The following IQGAP1 variants were observed in gnomAD, a reference collection of about 807,000 sequenced individuals.
IQGAP1 encodes the protein IQ motif containing GTPase activating protein 1.
Under a neutral mutation model 215.6 loss-of-function variants are expected in IQGAP1, and 66 were observed. That is an observed-to-expected ratio of 0.31 (90% confidence interval 0.25 to 0.38). The LOEUF is 0.38. IQGAP1 is among the 10% of genes least tolerant of loss of function. IQGAP1 has a pLI of 1.00. For synonymous variants in IQGAP1, 772 were observed against 728.7 expected, an observed-to-expected ratio of 1.06 and a Z score of -0.96; for missense variants, 1,712 against 1,997.1, an observed-to-expected ratio of 0.86 and a Z score of 2.72.
At chr15:90,393,547 C>T (rs1285928069) in intron 2 of IQGAP1, 1 of 152,140 alleles carries the variant, frequency 6.6e-6, no homozygotes, top group Non-Finnish European at 1.5e-5. Context: ...TTTTAAATGT[C>T]TCTAGTGATT....
In IQGAP1 at chr15:90,496,299, A is replaced by G. The variant is rs192507277; in HGVS notation, c.4752-933A>G. Among the ~76,000 whole-genome samples, 1,329 of 134,482 alleles carry G rather than the reference A, an allele frequency of 9.9e-3. 70 individuals are homozygous for G. Among genetic ancestry groups the G allele is most frequent in the Admixed American group, 0.075 (1,034 of 13,874 alleles). 88.2% of individuals were successfully genotyped at this position (134,482 alleles called of 152,430 possible). A position where few individuals can be genotyped will look rare whatever the true frequency, so the allele number is the denominator to read the frequency against. On this transcript the variant is annotated intron_variant, in intron 36 of 37. Transcript: ENST00000268182. ...ATACTTTGATCATCCAGAGAACAGC[A>G]TAATCCCTTTTTTTTTTTTTTTTTT... is the stretch of plus-strand genomic sequence containing the variant.
chr15:90,417,186 T>C (rs961006931), intron 2 of IQGAP1, among the ~76,000 whole-genome samples: 3 of 152,232 alleles, frequency 2.0e-5, no homozygotes, highest in African/African-American at 7.2e-5. Context: ...TAGTTTCTTT[T>C]GCTGTGCAGA....
chr15:90,488,503 T>C lies in IQGAP1; in HGVS notation c.4248+921T>C, dbSNP rs1596292891. ...ATTATATATTTTGAATTCTGTTACATGCCTTGGTAGATAGAAGAAAAGTAC... is the reference window on the plus strand; with the variant it reads ...ATTATATATTTTGAATTCTGTTACACGCCTTGGTAGATAGAAGAAAAGTAC... On this transcript the variant is annotated intron_variant, in intron 33 of 37. Transcript: ENST00000268182. Among the ~76,000 whole-genome samples the C allele has an allele frequency of 2.6e-5, 4 of 152,180 alleles. No individual in the cohort carries two copies. The East Asian group carries it at 7.7e-4, about 29-fold the overall frequency.
chr15:90,469,063 G>T (rs1567136538), intron 18 of IQGAP1, among the ~76,000 whole-genome samples: 1 of 152,182 alleles, frequency 6.6e-6, no homozygotes, highest in Non-Finnish European at 1.5e-5. Context: ...TAAGTTTGCA[G>T]TACTTTCTCA....
intron 4 of IQGAP1, 55 bp downstream of exon 4, chr15:90,429,721 C>G: frequency 7.4e-6 from 8 of 1,088,304 alleles, no homozygotes; most frequent in South Asian, 1.4e-5. Context: ...TGGCATAACC[C>G]TCAAACAACC....
intron 32 of IQGAP1, 169 bp from the exon 33 acceptor site, chr15:90,487,325 TG>T (rs1460577776): frequency 1.5e-6 from 1 of 659,410 alleles, no homozygotes; most frequent in Non-Finnish European, 2.7e-6. Context: ...TACCTACTTA[TG>T]GAATGGCTGG....
chr15:90,456,423 G>T, intron 15 of IQGAP1, 108 bp downstream of exon 15: 5 of 1,100,292 alleles, frequency 4.5e-6, no homozygotes, highest in Non-Finnish European at 6.5e-6. Flanking sequence ...TGCCTTCTGG[G>T]CACCCTTAGA....
chr15:90,423,643 T>C (rs1460355543), intron 2 of IQGAP1, among the ~76,000 whole-genome samples: 4 of 152,234 alleles, frequency 2.6e-5, no homozygotes, highest in African/African-American at 9.6e-5. Flanking sequence ...AGCTTCAGGT[T>C]TGAGCAGTTG....
intron 11 of IQGAP1, among the ~76,000 whole-genome samples, chr15:90,451,988 C>T (rs766289721): frequency 2.0e-5 from 3 of 152,136 alleles, no homozygotes; most frequent in Non-Finnish European, 4.4e-5. Context: ...TGCCACCACA[C>T]CTAGCTCATT....
At chr15:90,488,579 G>A (rs1219587671) in intron 33 of IQGAP1, among the ~76,000 whole-genome samples, 3 of 152,098 alleles carry the variant, frequency 2.0e-5, no homozygotes, top group Non-Finnish European at 4.4e-5. Flanking sequence ...GGGGAAATGT[G>A]ACATATATAC....
intron 1 of IQGAP1, 28 bp from the exon 2 acceptor site, chr15:90,390,746 T>G: frequency 7.0e-7 from 1 of 1,423,970 alleles, no homozygotes; most frequent in South Asian, 1.1e-5. Flanking sequence ...CAGATCCTGG[T>G]GTTTACATTC....
At chr15:90,401,369 A>G (rs1488090764) in intron 2 of IQGAP1, among the ~76,000 whole-genome samples, 1 of 152,248 alleles carries the variant, frequency 6.6e-6, no homozygotes, top group East Asian at 1.9e-4. Flanking sequence ...GGGAAGAATT[A>G]GTTATTTCAA....
intron 4 of IQGAP1, among the ~76,000 whole-genome samples, chr15:90,432,428 C>G (rs910176661): frequency 1.3e-5 from 2 of 152,190 alleles, no homozygotes; most frequent in Non-Finnish European, 2.9e-5. Context: ...TGTGTCCTGT[C>G]TCCAGTCAGA....
intron 2 of IQGAP1, among the ~76,000 whole-genome samples, chr15:90,414,408 T>C (rs187281662): frequency 1.3e-5 from 2 of 152,266 alleles, no homozygotes; most frequent in East Asian, 3.9e-4. Flanking sequence ...GTTACTTTTC[T>C]AGTTATTTTA....
chr15:90,472,062 T>A (rs893141249), intron 18 of IQGAP1, among the ~76,000 whole-genome samples: 1 of 152,160 alleles, frequency 6.6e-6, no homozygotes, highest in Non-Finnish European at 1.5e-5. Context: ...TTTCTAAAAA[T>A]AATCTCCACC....
intron 6 of IQGAP1, 54 bp downstream of exon 6, chr15:90,439,453 G>A: frequency 6.8e-7 from 1 of 1,470,236 alleles, no homozygotes; most frequent in Admixed American, 1.7e-5. Context: ...AAATAGCCTG[G>A]AGAGCCAGCA....
chr15:90,390,836 G>A lies in IQGAP1; in HGVS notation c.118G>A (p.Ala40Thr). The change falls in exon 2 of 38, where the codon GCT becomes ACT. Residue 40 changes from alanine to threonine, a missense_variant. Ala to Thr is a moderately conservative substitution (Grantham distance 58). Transcript: ENST00000268182. Reference protein sequence around the residue: ...EMDERRRQNVAYEYLCHLEEA... With the variant: ...EMDERRRQNVTYEYLCHLEEA... ...GGATGAAAGGAGACGTCAGAACGTG[G>A]CTTATGAGTACCTTTGTCATTTGGA... The A allele has an allele frequency of 6.2e-7, 1 of 1,612,932 alleles. No homozygotes were observed. The highest frequency in any genetic ancestry group is 8.5e-7 in the Non-Finnish European group (1 of 1,178,908).
chr15:90,433,744 T>C lies in IQGAP1; in HGVS notation c.416T>C (p.Ile139Thr), dbSNP rs1208492646. 1.9e-6 allele frequency: 3 copies of C among 1,606,098 alleles called. No homozygotes were observed. Among genetic ancestry groups the C allele is most frequent in the South Asian group, 1.1e-5 (1 of 90,298 alleles). The part of the protein sequence containing the change: ...PKIFYPETTD[I>T]YDRKNMPRCI... Reference sequence around the variant, plus strand: ...ATTTTTTACCCAGAAACTACAGATATCTATGATCGAAAGAACATGCCAAGA... The same window carrying C: ...ATTTTTTACCCAGAAACTACAGATACCTATGATCGAAAGAACATGCCAAGA... The change falls in exon 5 of 38, where the codon ATC (isoleucine) becomes ACC (threonine). Residue 139 changes from isoleucine (I) to threonine (T), a missense_variant. Transcript: ENST00000268182.
chr15:90,457,485 G>GA (rs1965700966), intron 15 of IQGAP1, among the ~76,000 whole-genome samples: 1 of 151,318 alleles, frequency 6.6e-6, no homozygotes. Flanking sequence ...AGAGTGCAAT[G>GA]ACGCAATCTC....
Sources: gnomAD v4.1 joint callset for allele counts (sites outside exome capture counted in the v4.1 genomes callset) on GRCh38, gnomAD v4.1.1 for gene constraint, MANE v1.5 for transcripts, NCBI Gene and HGNC (gene_info 2026-07-23, HGNC 2026-07-21) for gene names.